ABCA8: variants seen among roughly 807,000 people sequenced by gnomAD.
The protein encoded by ABCA8 is ABC-type organic anion transporter ABCA8.
Under a neutral mutation model 192.3 loss-of-function variants are expected in ABCA8, and 177 were observed. The ratio of observed to expected loss-of-function variants is 0.92; its 90% CI spans 0.81 to 1.04. The LOEUF (loss-of-function observed/expected upper bound fraction) is 1.04. Ranked by LOEUF, ABCA8 falls within the 50% of genes least tolerant of loss-of-function variation. ABCA8 has a pLI of 0.00. For missense variants in ABCA8, 1,915 were observed against 1,904.8 expected (o/e 1.01, Z -0.10); for synonymous variants, 642 against 690.2 (o/e 0.93, Z 1.09).
chr17:68,884,823 A>G, intron 27 of ABCA8: 1 of 985,396 alleles, frequency 1.0e-6, no homozygotes, highest in Non-Finnish European at 1.2e-6. Flanking sequence ...AGTCAGCCAG[A>G]AAAAAGGACT....
At chr17:68,915,221 C>G (rs1351609037) in intron 17 of ABCA8, among the ~76,000 whole-genome samples, 1 of 152,076 alleles carries the variant, frequency 6.6e-6, no homozygotes, top group African/African-American at 2.4e-5. Flanking sequence ...GGGTATTGGT[C>G]TGGGTAAAGA....
At chr17:68,890,066 C>G (rs1025764221) in intron 24 of ABCA8, among the ~76,000 whole-genome samples, 1 of 152,120 alleles carries the variant, frequency 6.6e-6, no homozygotes, top group Non-Finnish European at 1.5e-5. Context: ...TGAGTAAATA[C>G]TTAGGAGAAG....
chr17:68,895,773 G>A (rs2066736930), intron 21 of ABCA8, among the ~76,000 whole-genome samples: 1 of 152,192 alleles, frequency 6.6e-6, no homozygotes, highest in African/African-American at 2.4e-5. Flanking sequence ...CATCTGCGTT[G>A]CAGAAGATCA....
chr17:68,909,597 G>A (rs2067182492), intron 17 of ABCA8, among the ~76,000 whole-genome samples: 2 of 151,970 alleles, frequency 1.3e-5, no homozygotes, highest in Non-Finnish European at 2.9e-5. Flanking sequence ...ACCTTTACTT[G>A]TAAGTAGGAA....
At chr17:68,869,821 C>CCAT in intron 37 of ABCA8, 42 bp from the exon 38 acceptor site, 1 of 1,371,154 alleles carries the variant, frequency 7.3e-7, no homozygotes, top group Non-Finnish European at 1.0e-6. Context: ...ACCACTTGTG[C>CCAT]CAGATGTGAA....
chr17:68,903,300 C>T lies in ABCA8; in HGVS notation c.2597+1G>A. The T allele has an allele frequency of 6.2e-7, 1 of 1,614,090 alleles. No homozygotes were observed. The highest frequency in any genetic ancestry group is 1.3e-5 in the African/African-American group (1 of 75,050). Reference sequence around the variant, plus strand: ...AAACCTATGGCAACTCTGATACTTACAGTGCTAAAAGAGCTTTTCTTTCAT... The same window carrying T: ...AAACCTATGGCAACTCTGATACTTATAGTGCTAAAAGAGCTTTTCTTTCAT... On this transcript the variant is annotated splice_donor_variant, in intron 20 of 39. Coordinates refer to ENST00000586539, the MANE Select transcript of ABCA8 (RefSeq NM_001288985.2). LOFTEE classifies it high-confidence loss of function.
intron 2 of ABCA8, among the ~76,000 whole-genome samples, chr17:68,945,471 T>C (rs139396360): frequency 5.0e-4 from 76 of 152,320 alleles, no homozygotes; most frequent in African/African-American, 1.7e-3. Flanking sequence ...AAACAACCTT[T>C]TCCTTGGTGA....
At chr17:68,869,841 A>G in intron 37 of ABCA8, 62 bp from the exon 38 acceptor site, 4 of 1,083,628 alleles carry the variant, frequency 3.7e-6, no homozygotes, top group Non-Finnish European at 5.6e-6. Flanking sequence ...ACTGATGGCA[A>G]TCATCTCTCT....
In ABCA8 at chr17:68,875,737, T is replaced by C; in HGVS notation, c.4371-4A>G. The C allele has an allele frequency of 6.2e-7, 1 of 1,610,278 alleles. No individual in the cohort carries two copies. The highest frequency in any genetic ancestry group is 1.1e-5 in the South Asian group (1 of 90,516). Reference sequence around the variant, plus strand: ...AAAGGTGGCCCGGATGGCCTGCCTATAATGTCAAGAGATTATTTGCAATTT... The same window carrying C: ...AAAGGTGGCCCGGATGGCCTGCCTACAATGTCAAGAGATTATTTGCAATTT... On this transcript the variant is annotated splice_polypyrimidine_tract_variant and splice_region_variant and intron_variant, in intron 35 of 39. Coordinates refer to ENST00000586539, the MANE Select transcript of ABCA8 (RefSeq NM_001288985.2).
intron 19 of ABCA8, 57 bp from the exon 20 acceptor site, chr17:68,903,556 T>C: frequency 6.4e-7 from 1 of 1,552,180 alleles, no homozygotes; most frequent in Non-Finnish European, 8.9e-7. Flanking sequence ...CTATAGAGAT[T>C]GGCTCTGCTA....
rs1403093087 is a variant in ABCA8 at position 68,902,726 on chromosome 17, G to T, written c.2751C>A (p.Ile917=). 6.2e-7 allele frequency: 1 copy of T among 1,613,010 alleles called. No homozygotes were observed. Among genetic ancestry groups the T allele is most frequent in the Admixed American group, 1.7e-5 (1 of 60,000 alleles). Residue 917 remains isoleucine (I), a synonymous_variant, in exon 21 of 40, where the codon ATC becomes ATA. Transcript: ENST00000586539. The stretch of plus-strand genomic sequence containing the variant: ...CCACCATTTTACCTGTTTTATTGAT[G>T]ATCAGTAGTTGAGTGAGAGGGTCAT... ...QPHDPLTQLL[I]INKTGASIDD...
At chr17:68,879,064 A>T (rs2066273711) in intron 32 of ABCA8, 1 of 152,174 alleles carries the variant, frequency 6.6e-6, no homozygotes, top group South Asian at 2.1e-4. Context: ...CTACCCCATG[A>T]TGTCTCTCTT....
Position 68,875,337 on chromosome 17 carries a change from C to T in ABCA8, c.4554G>A (p.Lys1518=). 1 of 1,614,134 alleles carries T rather than the reference C, an allele frequency of 6.2e-7. No individual in the cohort carries two copies. Among genetic ancestry groups the T allele is most frequent in the Non-Finnish European group, 8.5e-7 (1 of 1,180,034 alleles). ...KFGKDYLLEM[K]VKNLAQVEPL... is the part of the protein sequence containing the mutation. ...GCTCCACTTGTGCCAGGTTCTTCACCTTCATCTCCAGCAGGTAATCTTTGC... is the reference window on the plus strand; with the variant it reads ...GCTCCACTTGTGCCAGGTTCTTCACTTTCATCTCCAGCAGGTAATCTTTGC... The change falls in exon 37 of 40, where the codon AAG becomes AAA. Residue 1518 remains lysine (K), a synonymous_variant. Coordinates refer to ENST00000586539, the MANE Select transcript of ABCA8 (RefSeq NM_001288985.2).
intron 1 of ABCA8, among the ~76,000 whole-genome samples, chr17:68,953,617 AAGG>A (rs2068631650): frequency 1.3e-5 from 2 of 152,100 alleles, no homozygotes; most frequent in Non-Finnish European, 2.9e-5. Flanking sequence ...GAGCCCATGG[AAGG>A]AGAAGAGGGA....
chr17:68,922,230 T>TTAAA lies in ABCA8; in HGVS notation c.1501+11_1501+12insTTTA. 1.6e-6 allele frequency: 1 copy of TTAAA among 619,890 alleles called. No homozygotes were observed. The highest frequency in any genetic ancestry group is 4.3e-5 in the South Asian group (1 of 23,170). 38.4% of individuals were successfully genotyped at this position (619,890 alleles called of 1,614,324 possible). A position where few individuals can be genotyped will look rare whatever the true frequency, so the allele number is the denominator to read the frequency against. On this transcript the variant is annotated intron_variant, in intron 12 of 39. Transcript: ENST00000586539. ...TTTTTTTTTTTTTTTTTTTTTTTTT[T>TTAAA]TTTTTTTTTACCTTTCAAGGCTTCT...
Position 68,903,415 on chromosome 17 carries a change from A to C in ABCA8, c.2483T>G (p.Leu828Arg). ...ACCTATTGTCTTTCTCATCTTGTTA[A>C]GTGAAGAGAGGACTTGTTCCATCTC... ...LVEMEQVLSS[L>R]NKMRKTIGGV... Residue 828 changes from leucine (L) to arginine (R), a missense_variant, in exon 20 of 40, where the codon CTT becomes CGT. Leu to Arg is a moderately radical substitution (Grantham distance 102, BLOSUM62 -2). Transcript: ENST00000586539. 1 of 1,614,058 alleles carries C rather than the reference A, an allele frequency of 6.2e-7. No individual in the cohort carries two copies. Among genetic ancestry groups the C allele is most frequent in the Non-Finnish European group, 8.5e-7 (1 of 1,180,012 alleles).
At chr17:68,885,166 G>C (rs746651750) in intron 27 of ABCA8, 30 bp downstream of exon 27, 3 of 1,589,188 alleles carry the variant, frequency 1.9e-6, no homozygotes, top group Non-Finnish European at 2.6e-6. Context: ...TGAGTTTCAA[G>C]GGACTGGGAC....
intron 26 of ABCA8, 74 bp downstream of exon 26, chr17:68,886,943 G>T (rs1598200697): frequency 2.0e-6 from 2 of 1,014,948 alleles, no homozygotes; most frequent in African/African-American, 1.7e-5. Context: ...TCCTACAGAG[G>T]GCAAAATTTA....
chr17:68,924,592 G>A, intron 11 of ABCA8, 109 bp downstream of exon 11: 3 of 1,211,046 alleles, frequency 2.5e-6, no homozygotes, highest in South Asian at 1.5e-5. Context: ...GCATAGGTGA[G>A]GACAGGTGGG....
Sources: gnomAD v4.1 joint callset for allele counts (sites outside exome capture counted in the v4.1 genomes callset) on GRCh38, gnomAD v4.1.1 for gene constraint, MANE v1.5 for transcripts, NCBI Gene and HGNC (gene_info 2026-07-23, HGNC 2026-07-21) for gene names.